The following FER1L6 variants were observed in gnomAD, a reference collection of about 807,000 sequenced individuals.
FER1L6 encodes fer-1-like protein 6.
A neutral mutation model predicts 219.2 loss-of-function variants in FER1L6; 177 were observed. The ratio of observed to expected loss-of-function variants is 0.81; its 90% CI spans 0.71 to 0.91. FER1L6 has a LOEUF of 0.91. FER1L6 is among the 40% of genes least tolerant of loss of function. The pLI is 0.00. For missense variants in FER1L6, 2,153 were observed against 2,259.9 expected (o/e 0.95, Z 0.96); for synonymous variants, 768 against 824.3 (o/e 0.93, Z 1.17).
rs1818258413 is a variant in FER1L6 at position 124,017,650 on chromosome 8, A to G, written c.1945A>G (p.Lys649Glu). 1.9e-6 allele frequency: 3 copies of G among 1,613,624 alleles called. No individual in the cohort carries two copies. The highest frequency in any genetic ancestry group is 1.3e-5 in the African/African-American group (1 of 74,922). ...RSSAFISEAE[K>E]KPKMLNQTTL... ...TAGTGCCTTTATCTCTGAAGCAGAAAAAAAGCCCAAGATGTTGAACCAAAC... is the reference window on the plus strand; with the variant it reads ...TAGTGCCTTTATCTCTGAAGCAGAAGAAAAGCCCAAGATGTTGAACCAAAC... The change falls in exon 16 of 41, where the codon AAA becomes GAA. Residue 649 changes from lysine (K) to glutamate (E), a missense_variant. Coordinates refer to ENST00000522917, the MANE Select transcript of FER1L6 (RefSeq NM_001039112.2).
At chr8:124,075,114 C>T (rs997871364) in intron 31 of FER1L6, among the ~76,000 whole-genome samples, 2 of 152,122 alleles carry the variant, frequency 1.3e-5, no homozygotes, top group African/African-American at 2.4e-5. Flanking sequence ...ATTTATAACA[C>T]ACATTTTTCC....
At chr8:124,113,462 C>G (rs1426420538) in intron 39 of FER1L6, among the ~76,000 whole-genome samples, 2 of 152,170 alleles carry the variant, frequency 1.3e-5, no homozygotes, top group Non-Finnish European at 2.9e-5. Flanking sequence ...TCCTACATAA[C>G]CACAATGCTG....
At chr8:123,987,564 T>G (rs1385078133) in intron 12 of FER1L6, among the ~76,000 whole-genome samples, 1 of 152,242 alleles carries the variant, frequency 6.6e-6, no homozygotes, top group African/African-American at 2.4e-5. Context: ...TGGTTGCATA[T>G]GCTTGTGGTG....
In FER1L6 at chr8:124,003,210, T is replaced by C; in HGVS notation, c.1563T>C (p.Ser521=). The change falls in exon 13 of 41, where the codon AGT becomes AGC. Residue 521 remains serine, a synonymous_variant. Coordinates refer to ENST00000522917, the MANE Select transcript of FER1L6 (RefSeq NM_001039112.2). ...TTGATGGAGGATCCCATCATGGGAGTAAGAAGTCAGCTGAATCAGCTGAAG... is the reference window on the plus strand; with the variant it reads ...TTGATGGAGGATCCCATCATGGGAGCAAGAAGTCAGCTGAATCAGCTGAAG... ...NLIDGGSHHG[S]KKSAESAEED... is the part of the protein sequence containing the mutation. The C allele has an allele frequency of 3.1e-6, 5 of 1,613,810 alleles. No individual in the cohort carries two copies. Among genetic ancestry groups the C allele is most frequent in the Non-Finnish European group, 4.2e-6 (5 of 1,179,956 alleles).
rs202097304 is a variant in FER1L6 at position 124,082,449 on chromosome 8, A to G, written c.4382A>G (p.Gln1461Arg). The G allele has an allele frequency of 1.6e-4, 265 of 1,613,748 alleles. 3 individuals are homozygous for G. In the African/African-American group the frequency reaches 3.3e-3, roughly 20 times the overall value. Residue 1461 changes from glutamine (Q) to arginine (R), a missense_variant, in exon 33 of 41, where the codon CAG becomes CGG. Gln to Arg is a conservative substitution (Grantham distance 43). Coordinates refer to ENST00000522917, the MANE Select transcript of FER1L6 (RefSeq NM_001039112.2). The stretch of plus-strand genomic sequence containing the variant: ...CGAGCCATCTGTGGCTTGCAGAGCC[A>G]GTATGAGATGTAAGTTCTTTCTCCC... Reference protein sequence around the residue: ...KHRAICGLQSQYEIEGYNAWR... With the variant: ...KHRAICGLQSRYEIEGYNAWR...
chr8:123,966,269 C>A lies in FER1L6; in HGVS notation c.363C>A (p.Thr121=), dbSNP rs759015458. 7 of 1,613,968 alleles carry A rather than the reference C, an allele frequency of 4.3e-6. No homozygotes were observed. Among genetic ancestry groups the A allele is most frequent in the Non-Finnish European group, 5.9e-6 (7 of 1,180,010 alleles). Residue 121 remains threonine (T), a synonymous_variant, in exon 5 of 41, where the codon ACC becomes ACA. Coordinates refer to ENST00000522917, the MANE Select transcript of FER1L6 (RefSeq NM_001039112.2). ...EKKQSTVKEG[T]NSPFYNEYFV... is the part of the protein sequence containing the mutation. ...AGCAAAGCACAGTGAAGGAAGGAAC[C>A]AACAGCCCATTTTATAATGAAGTAA... is the stretch of plus-strand genomic sequence containing the variant.
intron 18 of FER1L6, among the ~76,000 whole-genome samples, chr8:124,029,660 A>G (rs1294225222): frequency 6.6e-6 from 1 of 152,134 alleles, no homozygotes; most frequent in African/African-American, 2.4e-5. Flanking sequence ...AATTCTGGAT[A>G]TTAGACCTTT....
At chr8:124,069,619 T>C (rs910631590) in intron 29 of FER1L6, 144 bp downstream of exon 29, 4 of 598,740 alleles carry the variant, frequency 6.7e-6, no homozygotes, top group Non-Finnish European at 1.1e-5. Context: ...TAAACTTTGA[T>C]GTGCATTTAA....
chr8:123,865,948 G>A (rs898559434), intron 1 of FER1L6, among the ~76,000 whole-genome samples: 110 of 147,788 alleles, frequency 7.4e-4, no homozygotes, highest in African/African-American at 1.5e-3. Flanking sequence ...CTTCTGCGTC[G>A]CTCACGCTGG....
At chr8:123,933,031 T>C (rs1813836746) in intron 1 of FER1L6, among the ~76,000 whole-genome samples, 1 of 152,214 alleles carries the variant, frequency 6.6e-6, no homozygotes, top group African/African-American at 2.4e-5. Context: ...CCCCAGGTTT[T>C]TCTTGATTGA....
chr8:124,028,409 T>C (rs1358879669), intron 18 of FER1L6, among the ~76,000 whole-genome samples: 1 of 152,132 alleles, frequency 6.6e-6, no homozygotes, highest in African/African-American at 2.4e-5. Flanking sequence ...ACCATCTCTC[T>C]TTATGCCCCT....
At chr8:123,977,868 T>A (rs1401113185) in intron 10 of FER1L6, among the ~76,000 whole-genome samples, 1 of 152,186 alleles carries the variant, frequency 6.6e-6, no homozygotes, top group Non-Finnish European at 1.5e-5. Flanking sequence ...ATAGTATGGT[T>A]TGTACTCCTA....
intron 1 of FER1L6, among the ~76,000 whole-genome samples, chr8:123,933,419 C>T (rs906023457): frequency 4.0e-5 from 6 of 151,402 alleles, no homozygotes; most frequent in Non-Finnish European, 8.8e-5. Flanking sequence ...TGTGTAGCCT[C>T]ACACTAGCCT....
intron 1 of FER1L6, among the ~76,000 whole-genome samples, chr8:123,945,620 T>C (rs1437910171): frequency 6.6e-6 from 1 of 152,252 alleles, no homozygotes; most frequent in Non-Finnish European, 1.5e-5. Flanking sequence ...GATTGGAAGC[T>C]CTTTGTGAGC....
chr8:124,041,794 T>A (rs1466267453), intron 20 of FER1L6, among the ~76,000 whole-genome samples: 1 of 152,186 alleles, frequency 6.6e-6, no homozygotes, highest in South Asian at 2.1e-4. Flanking sequence ...TGAGAGTTAG[T>A]ATAGAGCATG....
At chr8:124,066,813 A>G (rs1017680666) in intron 27 of FER1L6, among the ~76,000 whole-genome samples, 5 of 152,118 alleles carry the variant, frequency 3.3e-5, no homozygotes, top group Admixed American at 6.5e-5. Context: ...CTAGCATGGT[A>G]TCTGGAGGAT....
intron 1 of FER1L6, among the ~76,000 whole-genome samples, chr8:123,933,345 T>C (rs1586482038): frequency 6.6e-6 from 1 of 152,076 alleles, no homozygotes; most frequent in African/African-American, 2.4e-5. Context: ...CTTCCCCCTA[T>C]AGTCTGATCT....
chr8:123,973,381 G>C, intron 6 of FER1L6, 53 bp from the exon 7 acceptor site: 7 of 1,419,004 alleles, frequency 4.9e-6, no homozygotes, highest in Non-Finnish European at 7.0e-6. Context: ...AAGGGTCAAG[G>C]CCTCTTATCC....
At chr8:123,905,733 C>G (rs1363485000) in intron 1 of FER1L6, among the ~76,000 whole-genome samples, 3 of 152,116 alleles carry the variant, frequency 2.0e-5, no homozygotes, top group Non-Finnish European at 4.4e-5. Flanking sequence ...TATTATGGTT[C>G]CTGGCACATG....
Sources: gnomAD v4.1 joint callset for allele counts (sites outside exome capture counted in the v4.1 genomes callset) on GRCh38, gnomAD v4.1.1 for gene constraint, MANE v1.5 for transcripts, NCBI Gene and HGNC (gene_info 2026-07-23, HGNC 2026-07-21) for gene names.